Variants in SLIT1 observed in about 807,000 individuals in gnomAD.
The protein encoded by SLIT1 is slit homolog 1 protein.
SLIT1 carries 66 observed loss-of-function variants against 186.1 expected under a neutral mutation model. That is an observed-to-expected ratio of 0.35 (90% confidence interval 0.29 to 0.44). The LOEUF is 0.44. SLIT1 is among the 20% of genes least tolerant of loss of function. The pLI, the probability that SLIT1 is intolerant of heterozygous loss-of-function variation, is 1.00. For missense variants in SLIT1, 1,638 were observed against 2,037.4 expected, an observed-to-expected ratio of 0.80 and a Z score of 3.77; for synonymous variants, 761 against 833.8, an observed-to-expected ratio of 0.91 and a Z score of 1.50.
intron 23 of SLIT1, 117 bp downstream of exon 23, chr10:97,034,354 C>T: frequency 1.3e-6 from 1 of 778,900 alleles, no homozygotes; most frequent in Non-Finnish European, 2.3e-6. Flanking sequence ...GCACCCTCTC[C>T]AGAGGGCAAG....
At chr10:97,141,731 T>TGTATTGTATC (rs1453434733) in intron 4 of SLIT1, among the ~76,000 whole-genome samples, 1 of 127,876 alleles carries the variant, frequency 7.8e-6, no homozygotes, top group African/African-American at 3.2e-5. Flanking sequence ...TGTATTGTAC[T>TGTATTGTATC]GTATTGTATC....
chr10:97,061,550 T>G (rs1259980476), intron 8 of SLIT1, among the ~76,000 whole-genome samples: 1 of 152,250 alleles, frequency 6.6e-6, no homozygotes, highest in East Asian at 1.9e-4. Flanking sequence ...AATGAAACAG[T>G]AGTTTCTCTT....
chr10:97,080,103 A>G (rs990286809), intron 4 of SLIT1, among the ~76,000 whole-genome samples: 6 of 152,348 alleles, frequency 3.9e-5, no homozygotes. Flanking sequence ...GCAGCCTGCA[A>G]AGCCCTTTGC....
Position 97,043,268 on chromosome 10 carries a change from G to A in SLIT1, c.1997+102C>T, listed in dbSNP as rs569548482. On this transcript the variant is annotated intron_variant, in intron 19 of 36. Coordinates refer to ENST00000266058, the MANE Select transcript of SLIT1 (RefSeq NM_003061.3). The surrounding 1 kb of genome is among the most constrained non-coding windows in gnomAD (Gnocchi z 7.0). Reference sequence around the variant, plus strand: ...AACCCACGTTTCAGCAAACCACGAAGACCCAGCACCCCCAGGGTGAGCTCT... The same window carrying A: ...AACCCACGTTTCAGCAAACCACGAAAACCCAGCACCCCCAGGGTGAGCTCT... The A allele has an allele frequency of 8.6e-5, 127 of 1,478,398 alleles. 5 individuals carry two copies. In the South Asian group the frequency reaches 1.5e-3, roughly 17 times the overall value. The allele number at this position is 1,478,398 out of a possible 1,614,324, so 91.6% of individuals were successfully genotyped here. A position where few individuals can be genotyped will look rare whatever the true frequency, so the allele number is the denominator to read the frequency against.
At chr10:97,049,251 G>A (rs1848766271) in intron 13 of SLIT1, 133 bp from the exon 14 acceptor site, 1 of 1,046,492 alleles carries the variant, frequency 9.6e-7, no homozygotes, top group Non-Finnish European at 1.4e-6. Context: ...TCAGCCACGG[G>A]GGGAAAGAGA....
intron 25 of SLIT1, among the ~76,000 whole-genome samples, chr10:97,025,708 C>A (rs1042131215): frequency 3.3e-5 from 5 of 152,160 alleles, no homozygotes; most frequent in African/African-American, 1.2e-4. Context: ...GTAAAAATAA[C>A]CCTGTGTTGT....
chr10:97,064,330 G>A (rs939403045), intron 6 of SLIT1, 91 bp from the exon 7 acceptor site: 18 of 1,039,130 alleles, frequency 1.7e-5, no homozygotes, highest in Non-Finnish European at 2.5e-5. Flanking sequence ...GGAGGCTCTC[G>A]ACCTTAAAGT....
intron 4 of SLIT1, among the ~76,000 whole-genome samples, chr10:97,080,294 G>A (rs891017545): frequency 2.0e-5 from 3 of 152,158 alleles, no homozygotes; most frequent in Admixed American, 6.5e-5. Context: ...ACAGGACATC[G>A]TTTCCTGCAA....
In SLIT1 at chr10:97,001,230, C is replaced by T. The variant is rs760690309; in HGVS notation, c.4487G>A (p.Gly1496Asp). The change falls in exon 37 of 37, where the codon GGC becomes GAC. Residue 1496 changes from glycine to aspartate, a missense_variant. Physicochemically the swap from Gly to Asp is moderately conservative, Grantham distance 94 (BLOSUM62 -1). Around this residue, in one of 3 missense-constraint regions of SLIT1, gnomAD observed 220 missense variants for 211.3 expected, o/e 1.04. Coordinates refer to ENST00000266058, the MANE Select transcript of SLIT1 (RefSeq NM_003061.3). Reference protein sequence around the residue: ...VECRGSCPGQGCCQGLRLKRR... With the variant: ...VECRGSCPGQDCCQGLRLKRR... The stretch of plus-strand genomic sequence containing the variant: ...CTTCAGCCGAAGGCCCTGGCAGCAG[C>T]CCTGGCCTGGGCACGAGCCCCGGCA... 1.9e-6 allele frequency: 3 copies of T among 1,613,086 alleles called. No homozygotes were observed. Among genetic ancestry groups the T allele is most frequent in the South Asian group, 1.1e-5 (1 of 91,092 alleles).
intron 14 of SLIT1, 112 bp downstream of exon 14, chr10:97,048,843 G>T: frequency 9.5e-7 from 1 of 1,051,774 alleles, no homozygotes; most frequent in South Asian, 1.4e-5. Context: ...AGGCAAGTGA[G>T]CAGGCGGGTA....
At chr10:97,051,912 C>T (rs1848790839) in intron 13 of SLIT1, among the ~76,000 whole-genome samples, 1 of 151,852 alleles carries the variant, frequency 6.6e-6, no homozygotes, top group South Asian at 2.1e-4. Flanking sequence ...GTGGAAACCA[C>T]CCCAAATGTC....
At chr10:97,097,178 A>C (rs927729399) in intron 4 of SLIT1, among the ~76,000 whole-genome samples, 1 of 152,232 alleles carries the variant, frequency 6.6e-6, no homozygotes. Flanking sequence ...CTAACACTGC[A>C]ACCACATCTC....
chr10:97,091,096 C>T (rs1267734633), intron 4 of SLIT1, among the ~76,000 whole-genome samples: 1 of 152,266 alleles, frequency 6.6e-6, no homozygotes, highest in African/African-American at 2.4e-5. Context: ...TGATATCATT[C>T]TATCACCTAT....
At chr10:97,095,587 C>T (rs1193369758) in intron 4 of SLIT1, among the ~76,000 whole-genome samples, 1 of 152,206 alleles carries the variant, frequency 6.6e-6, no homozygotes, top group Non-Finnish European at 1.5e-5. Flanking sequence ...CTGAAGTCCA[C>T]CCAGATATAC....
intron 5 of SLIT1, among the ~76,000 whole-genome samples, 162 bp downstream of exon 5, chr10:97,065,853 C>G (rs1848939701): frequency 6.6e-6 from 1 of 152,172 alleles, no homozygotes; most frequent in Non-Finnish European, 1.5e-5. Context: ...TTCCTCCAAC[C>G]CCAGACTATT....
In SLIT1 at chr10:97,047,713, G is replaced by A. The variant is rs1167227342; in HGVS notation, c.1611C>T (p.Arg537=). The part of the protein sequence containing the change: ...SSLKLTKIPE[R]IPQSTAELRL... ...ACAGTTCTGCCGTGGACTGGGGGAT[G>A]CGCTCAGGGATCTTGGTGAGCTTCA... Residue 537 remains arginine (R), a synonymous_variant, in exon 16 of 37, where the codon CGC becomes CGT. Coordinates refer to ENST00000266058, the MANE Select transcript of SLIT1 (RefSeq NM_003061.3). 1.2e-6 allele frequency: 2 copies of A among 1,613,960 alleles called. No homozygotes were observed. The highest frequency in any genetic ancestry group is 2.2e-5 in the East Asian group (1 of 44,882).
intron 4 of SLIT1, among the ~76,000 whole-genome samples, chr10:97,103,977 C>T (rs1849387604): frequency 6.6e-6 from 1 of 152,134 alleles, no homozygotes; most frequent in South Asian, 2.1e-4. Flanking sequence ...TGCTGAGCAC[C>T]CCTGTGCATC....
At chr10:97,122,662 G>A (rs959535271) in intron 4 of SLIT1, among the ~76,000 whole-genome samples, 2 of 152,180 alleles carry the variant, frequency 1.3e-5, no homozygotes, top group African/African-American at 4.8e-5. Context: ...GGAGTGTGAG[G>A]AAGGCACATC....
At chr10:97,014,733 G>A (rs1000940276) in intron 28 of SLIT1, among the ~76,000 whole-genome samples, 24 of 152,156 alleles carry the variant, frequency 1.6e-4, no homozygotes, top group African/African-American at 5.1e-4. Flanking sequence ...GGGCATGGTG[G>A]CATGTGCCTG....
Sources: allele counts gnomAD v4.1 joint callset (sites outside exome capture counted in the v4.1 genomes callset), GRCh38; gene constraint gnomAD v4.1.1; regional missense constraint gnomAD v4.1.1; non-coding constraint Gnocchi (gnomAD v3.1); transcripts MANE v1.5; gene names NCBI Gene and HGNC (gene_info 2026-07-23, HGNC 2026-07-21).